Variants in PACS1 observed in about 807,000 individuals in gnomAD.
The protein encoded by PACS1 is phosphofurin acidic cluster sorting protein 1.
A neutral mutation model predicts 115.0 loss-of-function variants in PACS1; 24 were observed. The ratio of observed to expected loss-of-function variants is 0.21; its 90% CI spans 0.15 to 0.29. The LOEUF (loss-of-function observed/expected upper bound fraction) is 0.29, where lower values mean the gene tolerates loss of function less well. Ranked by LOEUF, PACS1 falls within the 10% of genes least tolerant of loss-of-function variation. The probability of loss-of-function intolerance (pLI) is 1.00; values close to 1 mark genes in which losing one functional copy is unlikely to be tolerated. For synonymous variants in PACS1, 453 were observed against 504.5 expected (o/e 0.90, Z 1.37); for missense variants, 838 against 1,251.2 (o/e 0.67, Z 4.98).
chr11:66,152,764 A>G (rs1433488656), intron 1 of PACS1, among the ~76,000 whole-genome samples: 2 of 152,206 alleles, frequency 1.3e-5, no homozygotes, highest in Non-Finnish European at 2.9e-5. Context: ...AAAGTGACAC[A>G]TTACATAAAA....
At chr11:66,213,926 G>A (rs781326583) in intron 4 of PACS1, among the ~76,000 whole-genome samples, 16 of 151,718 alleles carry the variant, frequency 1.1e-4, no homozygotes, top group Non-Finnish European at 2.1e-4. Context: ...CCAGCTACTC[G>A]GGAGGCTGAG....
chr11:66,200,458 T>C (rs1854760878), intron 2 of PACS1, among the ~76,000 whole-genome samples: 1 of 151,228 alleles, frequency 6.6e-6, no homozygotes, highest in African/African-American at 2.4e-5. Context: ...AAAAATATAC[T>C]CTATGCAAAT....
At chr11:66,163,565 T>C (rs1416325890) in intron 1 of PACS1, among the ~76,000 whole-genome samples, 1 of 152,156 alleles carries the variant, frequency 6.6e-6, no homozygotes, top group Non-Finnish European at 1.5e-5. Context: ...GACTTAAAGA[T>C]GCTCATTCAT....
At chr11:66,179,077 C>G (rs535983115) in intron 1 of PACS1, among the ~76,000 whole-genome samples, 3 of 152,294 alleles carry the variant, frequency 2.0e-5, no homozygotes, top group African/African-American at 7.2e-5. Context: ...TTTAGTCACT[C>G]TTATCACAGC....
chr11:66,089,966 A>G (rs1198623431), intron 1 of PACS1, among the ~76,000 whole-genome samples: 2 of 135,194 alleles, frequency 1.5e-5, no homozygotes, highest in Non-Finnish European at 3.1e-5. Flanking sequence ...AGATCGCGCC[A>G]CTGCACTCCA....
chr11:66,070,309 G>T lies in PACS1; in HGVS notation c.-178G>T, dbSNP rs899828822. ...CTCGCGAGCCGCAACAGGCAGCGGC[G>T]GTCGAGCGCGAGGCCCGCGCGCCCA... On this transcript the variant is annotated 5_prime_UTR_variant, in exon 1 of 24. Transcript: ENST00000320580. This position sits in a 1 kb window ranked among gnomAD's most constrained non-coding sequence, Gnocchi z 5.9. 3.6e-4 allele frequency: 70 copies of T among 193,774 alleles called. No homozygotes were observed. Among genetic ancestry groups the T allele is most frequent in the African/African-American group, 1.1e-3 (46 of 42,020 alleles). 12.0% of individuals were successfully genotyped at this position (193,774 alleles called of 1,614,324 possible). A position where few individuals can be genotyped will look rare whatever the true frequency, so the allele number is the denominator to read the frequency against.
At chr11:66,143,039 A>T (rs936053249) in intron 1 of PACS1, among the ~76,000 whole-genome samples, 2 of 152,034 alleles carry the variant, frequency 1.3e-5, no homozygotes, top group African/African-American at 4.8e-5. Flanking sequence ...AGGGACAGTG[A>T]AAGAGGCTAT....
At chr11:66,197,923 T>C (rs1854685309) in intron 2 of PACS1, among the ~76,000 whole-genome samples, 1 of 152,246 alleles carries the variant, frequency 6.6e-6, no homozygotes, top group South Asian at 2.1e-4. Flanking sequence ...CAAAGTAATG[T>C]TTTGCAACAC....
At chr11:66,082,426 G>C (rs1269216778) in intron 1 of PACS1, among the ~76,000 whole-genome samples, 1 of 152,034 alleles carries the variant, frequency 6.6e-6, no homozygotes, top group Non-Finnish European at 1.5e-5. Context: ...TGTTGCCCTG[G>C]CCTCAAGTGA....
intron 17 of PACS1, among the ~76,000 whole-genome samples, chr11:66,234,741 T>G (rs1400093383): frequency 1.3e-5 from 2 of 152,196 alleles, no homozygotes; most frequent in South Asian, 2.1e-4. Flanking sequence ...GCTGGGTATG[T>G]TGGTGTGCAC....
chr11:66,165,566 C>G (rs960152194), intron 1 of PACS1, among the ~76,000 whole-genome samples: 1 of 152,128 alleles, frequency 6.6e-6, no homozygotes, highest in Non-Finnish European at 1.5e-5. Flanking sequence ...GTCAAACTTG[C>G]ATGTCCTGAC....
rs760633156 is a variant in PACS1, at chr11:66,230,675, G to A, written c.1490+12G>A. Reference sequence around the variant, plus strand: ...TCTGCCTCCCCCAGGTACTGCAGATGGAAAGGAAGCAGGGGGTACAGCCTG... The same window carrying A: ...TCTGCCTCCCCCAGGTACTGCAGATAGAAAGGAAGCAGGGGGTACAGCCTG... On this transcript the variant is annotated intron_variant, in intron 12 of 23. Transcript: ENST00000320580. 4 of 1,611,368 alleles carry A rather than the reference G, an allele frequency of 2.5e-6. No individual in the cohort carries two copies. Among genetic ancestry groups the A allele is most frequent in the African/African-American group, 1.3e-5 (1 of 75,010 alleles).
rs192470169 is a variant in PACS1 at position 66,221,678 on chromosome 11, G to A, written c.1293+431G>A. 4.5e-3 allele frequency: 728 copies of A among 160,048 alleles called. 5 individuals are homozygous for A. The highest frequency in any genetic ancestry group is 0.016 in the African/African-American group (652 of 41,518). 9.9% of individuals were successfully genotyped at this position (160,048 alleles called of 1,614,324 possible). A position where few individuals can be genotyped will look rare whatever the true frequency, so the allele number is the denominator to read the frequency against. ...AAAAAAGAAAAGAAAAAAGAAAATG[G>A]CCTCATCTTGTTTCAGCCTCAGTTT... On this transcript the variant is annotated intron_variant, in intron 10 of 23. Transcript: ENST00000320580.
At chr11:66,079,352 A>G (rs10608763) in intron 1 of PACS1, among the ~76,000 whole-genome samples, 28,854 of 91,954 alleles carry the variant, frequency 0.31, 3,196 homozygotes, top group Middle Eastern at 0.38. Flanking sequence ...AGGTCTGGGT[A>G]AAAAAAAAAA....
intron 1 of PACS1, among the ~76,000 whole-genome samples, chr11:66,126,008 C>A (rs1049056881): frequency 2.0e-5 from 3 of 146,738 alleles, no homozygotes; most frequent in African/African-American, 7.6e-5. Flanking sequence ...CCATTGCACT[C>A]TAGCCTGGGT....
chr11:66,197,960 C>G (rs1313558463), intron 2 of PACS1, among the ~76,000 whole-genome samples: 4 of 152,158 alleles, frequency 2.6e-5, no homozygotes, highest in African/African-American at 4.8e-5. Context: ...GAATGAGAAT[C>G]TAGTTGTTTT....
chr11:66,086,138 T>C (rs990385833), intron 1 of PACS1, among the ~76,000 whole-genome samples: 11 of 147,180 alleles, frequency 7.5e-5, no homozygotes, highest in East Asian at 3.9e-4. Context: ...TGATTTCTTT[T>C]TTTTTTTTTT....
At chr11:66,202,997 G>C (rs1038452444) in intron 2 of PACS1, among the ~76,000 whole-genome samples, 1 of 151,758 alleles carries the variant, frequency 6.6e-6, no homozygotes, top group African/African-American at 2.4e-5. Context: ...GTATAGTACT[G>C]GAAGTCCTAA....
chr11:66,233,652 T>C lies in PACS1; in HGVS notation c.1839-133T>C. On this transcript the variant is annotated intron_variant, in intron 15 of 23. Coordinates refer to ENST00000320580, the MANE Select transcript of PACS1 (RefSeq NM_018026.4). The surrounding 1 kb of genome is among the most constrained non-coding windows in gnomAD (Gnocchi z 4.5). ...GTGGCTTATTCCCTGTATGATCCTC[T>C]CTGTTTTATTTTGTGGATTGGTTTG... 1.2e-6 allele frequency: 1 copy of C among 806,984 alleles called. No homozygotes were observed. The highest frequency in any genetic ancestry group is 1.8e-5 in the South Asian group (1 of 55,468). 50.0% of individuals were successfully genotyped at this position (806,984 alleles called of 1,614,324 possible).
Sources: allele counts gnomAD v4.1 joint callset (sites outside exome capture counted in the v4.1 genomes callset), GRCh38; gene constraint gnomAD v4.1.1; non-coding constraint Gnocchi (gnomAD v3.1); transcripts MANE v1.5; gene names NCBI Gene and HGNC (gene_info 2026-07-23, HGNC 2026-07-21).